TACR3: variants seen among roughly 807,000 people sequenced by gnomAD.
The protein encoded by TACR3 is neuromedin-K receptor.
A neutral mutation model predicts 35.0 loss-of-function variants in TACR3; 34 were observed. That is an observed-to-expected ratio of 0.97 (90% CI 0.74 to 1.30). TACR3 has a LOEUF of 1.30. TACR3 is among the 50% of genes most tolerant of loss of function. The pLI is 0.00. For synonymous variants in TACR3, 233 were observed against 221.1 expected, an observed-to-expected ratio of 1.05 and a Z score of -0.48; for missense variants, 558 against 591.7, an observed-to-expected ratio of 0.94 and a Z score of 0.59.
At chr4:103,713,321 A>G (rs548444984) in intron 1 of TACR3, among the ~76,000 whole-genome samples, 5 of 152,092 alleles carry the variant, frequency 3.3e-5, no homozygotes, top group African/African-American at 1.2e-4. Context: ...TGTCCTTTGT[A>G]GGGACATGGA....
chr4:103,604,514 G>A (rs900194807), intron 3 of TACR3, among the ~76,000 whole-genome samples: 1 of 152,048 alleles, frequency 6.6e-6, no homozygotes, highest in Non-Finnish European at 1.5e-5. Context: ...CAAAAGCAAT[G>A]GCAACAAAAG....
At chr4:103,625,829 A>AAGAT (rs143935617) in intron 3 of TACR3, among the ~76,000 whole-genome samples, 33,248 of 151,912 alleles carry the variant, frequency 0.22, 4,110 homozygotes, top group East Asian at 0.31. Context: ...ACAGAATTTG[A>AAGAT]AGATAGGGCC....
rs1166694660 is a variant in TACR3 at position 103,702,894 on chromosome 4, C to A, written c.548+16234G>T. Among the ~76,000 whole-genome samples, 16 of 113,148 alleles carry A rather than the reference C, an allele frequency of 1.4e-4. No homozygotes were observed. In the Admixed American group the frequency reaches 2.0e-3, roughly 14 times the overall value. The allele number at this position is 113,148 out of a possible 152,430, so 74.2% of individuals were successfully genotyped here. On this transcript the variant is annotated intron_variant, in intron 1 of 4. Transcript: ENST00000304883. ...GGAAGGGGAACATCACACACTGGGA[C>A]CTGTTGTGGGGTGGGGGGAGGGGGG...
intron 3 of TACR3, among the ~76,000 whole-genome samples, chr4:103,591,934 T>C (rs1390528319): frequency 6.6e-6 from 1 of 152,126 alleles, no homozygotes; most frequent in Non-Finnish European, 1.5e-5. Flanking sequence ...CGGACAAATA[T>C]ATTTTGATTG....
At chr4:103,662,784 G>C (rs759540430) in intron 1 of TACR3, among the ~76,000 whole-genome samples, 2 of 152,138 alleles carry the variant, frequency 1.3e-5, no homozygotes, top group Non-Finnish European at 2.9e-5. Context: ...AGCAAAGATT[G>C]CCAGCAAATC....
rs1479271392 is a variant in TACR3, at chr4:103,697,394, ATTTATTTG to A, written c.548+21726_548+21733del. ...TTGGGGGCACTTGTGTTATTTATTT[ATTTATTTG>A]TTTATTTATTTATTTATTTATTTAT... On this transcript the variant is annotated intron_variant, in intron 1 of 4. Coordinates refer to ENST00000304883, the MANE Select transcript of TACR3 (RefSeq NM_001059.3). Among the ~76,000 whole-genome samples the A allele has an allele frequency of 5.1e-3, 712 of 139,580 alleles. 7 individuals are homozygous for A. The highest frequency in any genetic ancestry group is 0.02 in the African/African-American group (680 of 33,914). 91.6% of individuals were successfully genotyped at this position (139,580 alleles called of 152,430 possible).
chr4:103,628,411 T>C (rs1159678388), intron 3 of TACR3, among the ~76,000 whole-genome samples: 2 of 151,502 alleles, frequency 1.3e-5, no homozygotes, highest in Non-Finnish European at 2.9e-5. Context: ...GCAAGACTAA[T>C]AAAGAAGAAA....
intron 1 of TACR3, among the ~76,000 whole-genome samples, chr4:103,717,356 T>G (rs1723111769): frequency 6.6e-6 from 1 of 152,266 alleles, no homozygotes; most frequent in South Asian, 2.1e-4. Flanking sequence ...AATTTGTTAA[T>G]AGTTTTAATG....
rs57837921 is a variant in TACR3, at chr4:103,618,564, C to CTTTTTT, written c.889-26887_889-26882dup. ...CTTAGGATTGCTTTGGTGACTTGGG[C>CTTTTTT]TTTTTTTTTTTTTTTTTTTTTTTTT... On this transcript the variant is annotated intron_variant, in intron 3 of 4. Transcript: ENST00000304883. 4.4e-4 allele frequency among the ~76,000 whole-genome samples: 27 copies of CTTTTTT among 61,452 alleles called. 2 individuals are homozygous for CTTTTTT. The highest frequency in any genetic ancestry group is 2.4e-3 in the African/African-American group (26 of 11,018). The allele number at this position is 61,452 out of a possible 152,430, so 40.3% of individuals were successfully genotyped here. A position where few individuals can be genotyped will look rare whatever the true frequency, so the allele number is the denominator to read the frequency against.
At position 103,588,972 on chromosome 4, in the gene TACR3, A is replaced by C. The variant is rs762844498; in HGVS notation, c.*710T>G. 5 of 152,136 alleles carry C rather than the reference A, an allele frequency of 3.3e-5. No individual in the cohort carries two copies. The highest frequency in any genetic ancestry group is 7.4e-5 in the Non-Finnish European group (5 of 67,994). The allele number at this position is 152,136 out of a possible 1,614,324, so 9.4% of individuals were successfully genotyped here. On this transcript the variant is annotated 3_prime_UTR_variant, in exon 5 of 5. Transcript: ENST00000304883. ...ACTACTTTTTAGCTTGGTATTCAAA[A>C]ATAAGTAATGGTCAAAAAGTATATA...
At chr4:103,634,389 G>GAAAC (rs1725134591) in intron 3 of TACR3, among the ~76,000 whole-genome samples, 1 of 152,090 alleles carries the variant, frequency 6.6e-6, no homozygotes, top group African/African-American at 2.4e-5. Flanking sequence ...TTGGGAGGAA[G>GAAAC]AAACATAAAC....
chr4:103,619,870 C>CAAAGT (rs1724738296), intron 3 of TACR3, among the ~76,000 whole-genome samples: 1 of 151,932 alleles, frequency 6.6e-6, no homozygotes, highest in African/African-American at 2.4e-5. Flanking sequence ...GGAATGTCTC[C>CAAAGT]AAAGTAACAA....
chr4:103,658,435 G>T (rs752618697), intron 1 of TACR3, 32 bp from the exon 2 acceptor site: 2 of 1,595,864 alleles, frequency 1.3e-6, no homozygotes, highest in Admixed American at 3.3e-5. Flanking sequence ...CATTTCATTG[G>T]TTTTCTTTAT....
chr4:103,610,655 T>C (rs1180139311), intron 3 of TACR3, among the ~76,000 whole-genome samples: 1 of 152,158 alleles, frequency 6.6e-6, no homozygotes, highest in African/African-American at 2.4e-5. Flanking sequence ...TGCCTATTTT[T>C]GCTTTTATTT....
chr4:103,623,313 T>C lies in TACR3; in HGVS notation c.889-31630A>G, dbSNP rs114130620. Among the ~76,000 whole-genome samples, 1,432 of 152,250 alleles carry C rather than the reference T, an allele frequency of 9.4e-3. 19 individuals are homozygous for C. Among genetic ancestry groups the C allele is most frequent in the African/African-American group, 0.033 (1,376 of 41,562 alleles). ...CAAAATATATTTGCAAAGCTATATA[T>C]TTCAGAGAGAAGAGAATCTGATTTA... On this transcript the variant is annotated intron_variant, in intron 3 of 4. Coordinates refer to ENST00000304883, the MANE Select transcript of TACR3 (RefSeq NM_001059.3).
At chr4:103,701,750 T>A (rs1315257719) in intron 1 of TACR3, among the ~76,000 whole-genome samples, 1 of 152,060 alleles carries the variant, frequency 6.6e-6, no homozygotes, top group Non-Finnish European at 1.5e-5. Flanking sequence ...ATGCCACATA[T>A]CTACAACTAT....
rs554771647 is a variant in TACR3 at position 103,642,088 on chromosome 4, T to G, written c.888+14106A>C. Reference sequence around the variant, plus strand: ...GACTATAGTTAATAACAATGTATTGTGTATTTTGAAATTGCTAAGAGAATA... The same window carrying G: ...GACTATAGTTAATAACAATGTATTGGGTATTTTGAAATTGCTAAGAGAATA... On this transcript the variant is annotated intron_variant, in intron 3 of 4. Transcript: ENST00000304883. Among the ~76,000 whole-genome samples the G allele has an allele frequency of 6.6e-5, 10 of 151,960 alleles. No homozygotes were observed. The East Asian group carries it at 1.9e-3, about 30-fold the overall frequency.
chr4:103,691,271 GAAAC>G (rs1201926661), intron 1 of TACR3, among the ~76,000 whole-genome samples: 1 of 152,154 alleles, frequency 6.6e-6, no homozygotes, highest in Non-Finnish European at 1.5e-5. Context: ...GGGATAGAAA[GAAAC>G]AAACTCTTGA....
intron 1 of TACR3, among the ~76,000 whole-genome samples, chr4:103,685,897 G>C (rs373090276): frequency 1.3e-5 from 2 of 152,226 alleles, no homozygotes; most frequent in East Asian, 3.9e-4. Flanking sequence ...TGTGGGTGGG[G>C]ACATCTATGA....
Sources: gnomAD v4.1 joint callset for allele counts (sites outside exome capture counted in the v4.1 genomes callset) on GRCh38, gnomAD v4.1.1 for gene constraint, MANE v1.5 for transcripts, NCBI Gene and HGNC (gene_info 2026-07-23, HGNC 2026-07-21) for gene names.